The following TM6SF1 variants were observed in gnomAD, a reference collection of about 807,000 sequenced individuals.
TM6SF1 encodes transmembrane 6 superfamily member 1.
In TM6SF1, 43 loss-of-function variants were observed where a neutral mutation model predicts 47.1. The observed-to-expected ratio is 0.91, with a 90% CI of 0.72 to 1.18. The LOEUF (loss-of-function observed/expected upper bound fraction) is 1.18. Ranked by LOEUF, TM6SF1 falls within the 50% of genes most tolerant of loss-of-function variation. The probability of loss-of-function intolerance (pLI) is 0.00; values close to 1 mark genes in which losing one functional copy is unlikely to be tolerated. For synonymous variants in TM6SF1, 177 were observed against 166.3 expected (o/e 1.06, Z -0.49); for missense variants, 390 against 449.0 (o/e 0.87, Z 1.19).
chr15:83,133,329 A>G (rs1174722092), intron 9 of TM6SF1: 2 of 152,244 alleles, frequency 1.3e-5, no homozygotes, highest in Non-Finnish European at 2.9e-5. Context: ...ACATGGACAT[A>G]TAACACTCTT....
chr15:83,121,729 CTATAG>C (rs1203262111), intron 4 of TM6SF1, among the ~76,000 whole-genome samples, 187 bp from the exon 5 acceptor site: 1 of 152,222 alleles, frequency 6.6e-6, no homozygotes, highest in East Asian at 1.9e-4. Context: ...GAAGAAGGTT[CTATAG>C]TATATCACAT....
At chr15:83,115,780 T>C (rs1013453707) in intron 2 of TM6SF1, 65 bp from the exon 3 acceptor site, 3 of 1,059,386 alleles carry the variant, frequency 2.8e-6, no homozygotes, top group Admixed American at 3.5e-5. Context: ...TATTAGCTGA[T>C]GCCAAGCTTG....
intron 1 of TM6SF1, among the ~76,000 whole-genome samples, chr15:83,109,837 T>C (rs2033986621): frequency 6.6e-6 from 1 of 152,212 alleles, no homozygotes; most frequent in African/African-American, 2.4e-5. Context: ...TGCTGCTCCC[T>C]GACAGGGATG....
At position 83,136,713 on chromosome 15, in the gene TM6SF1, T is replaced by C. The variant is rs1344386344; in HGVS notation, c.*41T>C. On this transcript the variant is annotated 3_prime_UTR_variant, in exon 10 of 10. Transcript: ENST00000322019. ...TTCCTCCTTTCTAAATTACTAACTT[T>C]TGTTATACTGGTACTGATATTTTGT... 6.6e-7 allele frequency: 1 copy of C among 1,513,846 alleles called. No homozygotes were observed. Among genetic ancestry groups the C allele is most frequent in the Non-Finnish European group, 9.0e-7 (1 of 1,113,720 alleles). 93.8% of individuals were successfully genotyped at this position (1,513,846 alleles called of 1,614,324 possible).
At chr15:83,135,145 G>A (rs760866010) in intron 9 of TM6SF1, 4 of 151,628 alleles carry the variant, frequency 2.6e-5, no homozygotes, top group Non-Finnish European at 4.4e-5. Context: ...ATGTACCACA[G>A]GTCTCCAGAA....
intron 7 of TM6SF1, among the ~76,000 whole-genome samples, chr15:83,126,348 G>A (rs2035750783): frequency 6.6e-6 from 1 of 152,114 alleles, no homozygotes. Context: ...GAGACAGGAA[G>A]GTGCTATTTT....
chr15:83,135,489 C>G (rs944733243), intron 9 of TM6SF1: 1 of 152,124 alleles, frequency 6.6e-6, no homozygotes, highest in African/African-American at 2.4e-5. Flanking sequence ...TCATGTGTAT[C>G]TTGAATTTCA....
At chr15:83,124,815 C>A in intron 7 of TM6SF1, 39 bp downstream of exon 7, 1 of 1,442,450 alleles carries the variant, frequency 6.9e-7, no homozygotes, top group Non-Finnish European at 9.7e-7. Flanking sequence ...CATTGTGATA[C>A]TACTCACATT....
At chr15:83,113,983 A>G (rs936061238) in intron 2 of TM6SF1, 1 of 152,268 alleles carries the variant, frequency 6.6e-6, no homozygotes, top group Non-Finnish European at 1.5e-5. Flanking sequence ...CAATCCACAT[A>G]TAAGAAGCTC....
At chr15:83,108,182 G>A (rs2033836616) in intron 1 of TM6SF1, among the ~76,000 whole-genome samples, 1 of 152,198 alleles carries the variant, frequency 6.6e-6, no homozygotes, top group Admixed American at 6.5e-5. Context: ...TTCCATGTAT[G>A]GACTTTCGCA....
intron 4 of TM6SF1, chr15:83,120,157 T>A (rs1052149249): frequency 6.0e-6 from 1 of 165,450 alleles, no homozygotes; most frequent in African/African-American, 2.4e-5. Flanking sequence ...TGGATGTGTA[T>A]GTACAAGGGA....
intron 1 of TM6SF1, among the ~76,000 whole-genome samples, chr15:83,110,178 C>T (rs568630074): frequency 5.3e-5 from 8 of 152,252 alleles, no homozygotes; most frequent in South Asian, 2.1e-4. Flanking sequence ...AAGGATTGAG[C>T]GTGTTCTGTC....
chr15:83,122,834 A>G lies in TM6SF1; in HGVS notation c.559A>G (p.Arg187Gly). 6.2e-7 allele frequency: 1 copy of G among 1,614,014 alleles called. No homozygotes were observed. The highest frequency in any genetic ancestry group is 8.5e-7 in the Non-Finnish European group (1 of 1,179,984). ...YTCLPVWAGF[R>G]IYNQPSENYN... ...TTGTCTTCCTGTCTGGGCTGGTTTCAGAATCTATAATCAGCCATCAGAAAA... is the reference window on the plus strand; with the variant it reads ...TTGTCTTCCTGTCTGGGCTGGTTTCGGAATCTATAATCAGCCATCAGAAAA... The change falls in exon 6 of 10, where the codon AGA becomes GGA. Residue 187 changes from arginine to glycine, a missense_variant. Arg to Gly is a moderately radical substitution (Grantham distance 125, BLOSUM62 -2). Transcript: ENST00000322019.
At chr15:83,128,345 A>T (rs1288809569) in intron 9 of TM6SF1, 1 of 152,188 alleles carries the variant, frequency 6.6e-6, no homozygotes, top group African/African-American at 2.4e-5. Context: ...GGTAATTCTT[A>T]ATTATAAAAT....
rs2035574834 is a variant in TM6SF1, at chr15:83,124,719, T to C, written c.651T>C (p.Asp217=). 6.2e-7 allele frequency: 1 copy of C among 1,614,170 alleles called. No individual in the cohort carries two copies. The highest frequency in any genetic ancestry group is 2.2e-5 in the East Asian group (1 of 44,874). ...QAKDLLRRPF[D]LMLVVCLLLA... is the part of the protein sequence containing the mutation. ...AAGACCTGCTGAGAAGACCATTTGA[T>C]TTAATGTTGGTTGTGTGTCTCCTCC... Residue 217 remains aspartate (D), a synonymous_variant, in exon 7 of 10, where the codon GAT becomes GAC. Coordinates refer to ENST00000322019, the MANE Select transcript of TM6SF1 (RefSeq NM_023003.5).
intron 4 of TM6SF1, 99 bp downstream of exon 4, chr15:83,119,780 A>G (rs2035050786): frequency 6.4e-7 from 1 of 1,561,970 alleles, no homozygotes; most frequent in African/African-American, 1.3e-5. Flanking sequence ...ACAAGCAGGT[A>G]TACTGGACAT....
chr15:83,123,734 T>C (rs999389363), intron 6 of TM6SF1, among the ~76,000 whole-genome samples: 1 of 152,158 alleles, frequency 6.6e-6, no homozygotes, highest in Non-Finnish European at 1.5e-5. Flanking sequence ...AAAAAGCAAA[T>C]AGTCAGTCCA....
chr15:83,113,079 G>A, intron 2 of TM6SF1, 179 bp downstream of exon 2: 1 of 613,288 alleles, frequency 1.6e-6, no homozygotes, highest in East Asian at 2.8e-5. Context: ...CTCAGGCAGT[G>A]GACTCCACCC....
At chr15:83,111,117 C>A (rs1255517351) in intron 1 of TM6SF1, among the ~76,000 whole-genome samples, 2 of 152,148 alleles carry the variant, frequency 1.3e-5, no homozygotes, top group African/African-American at 4.8e-5. Context: ...GGTGATCCAC[C>A]CGCCTCGACC....
Sources: gnomAD v4.1 joint callset for allele counts (sites outside exome capture counted in the v4.1 genomes callset) on GRCh38, gnomAD v4.1.1 for gene constraint, MANE v1.5 for transcripts, NCBI Gene and HGNC (gene_info 2026-07-23, HGNC 2026-07-21) for gene names.